The following LIN9 variants were observed in gnomAD, a reference collection of about 807,000 sequenced individuals.
LIN9 encodes the protein protein lin-9 homolog.
In LIN9, 18 loss-of-function variants were observed where a neutral mutation model predicts 78.0. The ratio of observed to expected loss-of-function variants is 0.23; its 90% CI spans 0.16 to 0.34. LIN9 has a LOEUF of 0.34. Among genes scored for constraint, LIN9 ranks in the 10% least tolerant of loss-of-function variants. The pLI, the probability that LIN9 is intolerant of heterozygous loss-of-function variation, is 1.00. For missense variants in LIN9, 451 were observed against 644.1 expected (o/e 0.70, Z 3.25); for synonymous variants, 192 against 215.2 (o/e 0.89, Z 0.94).
chr1:226,280,760 C>T (rs752855530), intron 6 of LIN9, among the ~76,000 whole-genome samples: 26 of 152,074 alleles, frequency 1.7e-4, no homozygotes, highest in Non-Finnish European at 2.5e-4. Flanking sequence ...GGCAACAGAG[C>T]GAGACTCCAT....
chr1:226,254,045 C>T (rs1447459693), intron 10 of LIN9, among the ~76,000 whole-genome samples: 5 of 152,222 alleles, frequency 3.3e-5, no homozygotes, highest in Non-Finnish European at 7.3e-5. Flanking sequence ...GATCTTCCCA[C>T]CTCAGACTCC....
At chr1:226,254,079 G>A (rs980318756) in intron 10 of LIN9, among the ~76,000 whole-genome samples, 2 of 152,112 alleles carry the variant, frequency 1.3e-5, no homozygotes, top group African/African-American at 4.8e-5. Context: ...CTACAGGGGC[G>A]TATCACCACA....
At chr1:226,233,653 CCTTAG>C in intron 12 of LIN9, 130 bp from the exon 13 acceptor site, 1 of 534,016 alleles carries the variant, frequency 1.9e-6, no homozygotes, top group African/African-American at 2.0e-5. Context: ...GGTACTCTTA[CCTTAG>C]AAGTTTTTTT....
upstream of LIN9, chr1:226,309,726 G>A: frequency 3.9e-6 from 5 of 1,287,968 alleles, no homozygotes; most frequent in South Asian, 5.0e-5. Flanking sequence ...CCGGGACTCG[G>A]TCCCAGCGGC....
At chr1:226,272,450 G>T (rs1447384308) in intron 7 of LIN9, among the ~76,000 whole-genome samples, 1 of 146,984 alleles carries the variant, frequency 6.8e-6, no homozygotes, top group Non-Finnish European at 1.5e-5. Context: ...CATGATCATA[G>T]CTCACTGTAG....
At chr1:226,287,515 A>G (rs1661447155) in intron 5 of LIN9, 149 bp downstream of exon 5, 1 of 536,564 alleles carries the variant, frequency 1.9e-6, no homozygotes, top group Admixed American at 3.8e-5. Context: ...GACAAATAGA[A>G]TAGATCCAAC....
chr1:226,232,004 G>A lies in LIN9; in HGVS notation c.*497C>T, dbSNP rs1657368726. ...TATTTCAGTGGTTTCCTTAAAACTA[G>A]GACTTCCCACACCTCATGATGTTAT... On this transcript the variant is annotated 3_prime_UTR_variant, in exon 15 of 15. Coordinates refer to ENST00000681046, the MANE Select transcript of LIN9 (RefSeq NM_001366245.2). The A allele has an allele frequency of 2.5e-6, 1 of 397,106 alleles. No homozygotes were observed. Among genetic ancestry groups the A allele is most frequent in the South Asian group, 1.3e-4 (1 of 7,678 alleles). 24.6% of individuals were successfully genotyped at this position (397,106 alleles called of 1,614,324 possible).
intron 12 of LIN9, among the ~76,000 whole-genome samples, chr1:226,235,322 C>CAAAAAA (rs375690849): frequency 5.0e-5 from 3 of 59,662 alleles, no homozygotes; most frequent in East Asian, 5.5e-4. Flanking sequence ...AAATCCGTCT[C>CAAAAAA]AAAAAAAAAA....
chr1:226,236,193 A>G (rs150989491), intron 12 of LIN9, among the ~76,000 whole-genome samples: 204 of 152,094 alleles, frequency 1.3e-3, no homozygotes, highest in African/African-American at 4.6e-3. Context: ...AAATTGAAGC[A>G]TACATAAATA....
In LIN9 at chr1:226,277,779, A is replaced by C; in HGVS notation, c.678T>G (p.Val226=). The change falls in exon 7 of 15, where the codon GTT becomes GTG. Residue 226 remains valine (V), a synonymous_variant. Coordinates refer to ENST00000681046, the MANE Select transcript of LIN9 (RefSeq NM_001366245.2). ...IPLPLVIGTK[V]TARLRGVHDG... Reference sequence around the variant, plus strand: ...AATTAGCTTGTTTTCACTTACCTGTAACTTTCGTTCCAATAACCAGAGGCA... The same window carrying C: ...AATTAGCTTGTTTTCACTTACCTGTCACTTTCGTTCCAATAACCAGAGGCA... 1.2e-6 allele frequency: 2 copies of C among 1,612,914 alleles called. No homozygotes were observed. Among genetic ancestry groups the C allele is most frequent in the Non-Finnish European group, 1.7e-6 (2 of 1,179,598 alleles).
intron 5 of LIN9, among the ~76,000 whole-genome samples, 156 bp downstream of exon 5, chr1:226,287,507 CA>C (rs1576342276): frequency 1.3e-5 from 2 of 151,796 alleles, no homozygotes; most frequent in East Asian, 3.9e-4. Context: ...AAAACTATGA[CA>C]AATAGAATAG....
At chr1:226,272,258 G>C (rs973930775) in intron 7 of LIN9, among the ~76,000 whole-genome samples, 1 of 151,724 alleles carries the variant, frequency 6.6e-6, no homozygotes, top group Non-Finnish European at 1.5e-5. Flanking sequence ...GTTTCACCAT[G>C]TTGGCCAGGC....
chr1:226,239,955 C>A (rs1657997673), intron 11 of LIN9, among the ~76,000 whole-genome samples: 1 of 152,172 alleles, frequency 6.6e-6, no homozygotes, highest in African/African-American at 2.4e-5. Context: ...TTGTTATGCA[C>A]TAAGGAAGCA....
At chr1:226,301,838 T>C (rs1662553883) in intron 1 of LIN9, among the ~76,000 whole-genome samples, 1 of 151,958 alleles carries the variant, frequency 6.6e-6, no homozygotes, top group African/African-American at 2.4e-5. Flanking sequence ...AAGGCCAAGG[T>C]GGGAAGGCTA....
At chr1:226,267,462 C>T (rs895938240) in intron 8 of LIN9, among the ~76,000 whole-genome samples, 5 of 148,432 alleles carry the variant, frequency 3.4e-5, no homozygotes, top group Admixed American at 2.0e-4. Flanking sequence ...CTAGTCTCAG[C>T]CTAATAGGAA....
chr1:226,255,209 G>A (rs1659109435), intron 10 of LIN9, among the ~76,000 whole-genome samples: 1 of 152,172 alleles, frequency 6.6e-6, no homozygotes, highest in African/African-American at 2.4e-5. Flanking sequence ...CTGGTTCTTA[G>A]TGAATACTGC....
chr1:226,243,971 T>G (rs1658295147), intron 11 of LIN9, among the ~76,000 whole-genome samples: 1 of 150,616 alleles, frequency 6.6e-6, no homozygotes, highest in African/African-American at 2.4e-5. Flanking sequence ...ACCTCCAAGG[T>G]TCAAGTGATT....
intron 12 of LIN9, among the ~76,000 whole-genome samples, chr1:226,237,361 G>A (rs1373346105): frequency 6.6e-6 from 1 of 152,142 alleles, no homozygotes; most frequent in African/African-American, 2.4e-5. Flanking sequence ...TGCTGGGCGC[G>A]GTGACTCATG....
chr1:226,245,480 C>T (rs539008167), intron 11 of LIN9, among the ~76,000 whole-genome samples: 3 of 152,072 alleles, frequency 2.0e-5, no homozygotes, highest in South Asian at 2.1e-4. Context: ...TGGAGTTCAG[C>T]GGTACCATCC....
Sources: allele counts gnomAD v4.1 joint callset (sites outside exome capture counted in the v4.1 genomes callset), GRCh38; gene constraint gnomAD v4.1.1; transcripts MANE v1.5; gene names NCBI Gene and HGNC (gene_info 2026-07-23, HGNC 2026-07-21).